KATNAL1: variants seen among roughly 807,000 people sequenced by gnomAD.
KATNAL1 encodes the protein katanin p60 ATPase-containing subunit A-like 1.
A neutral mutation model predicts 55.2 loss-of-function variants in KATNAL1; 32 were observed. The observed-to-expected ratio is 0.58, with a 90% CI of 0.44 to 0.78. The LOEUF is 0.78. Among genes scored for constraint, KATNAL1 ranks in the 30% least tolerant of loss-of-function variants. The probability of loss-of-function intolerance (pLI) is 0.00; values close to 1 mark genes in which losing one functional copy is unlikely to be tolerated. For missense variants in KATNAL1, 466 were observed against 600.9 expected, an observed-to-expected ratio of 0.78 and a Z score of 2.35; for synonymous variants, 193 against 193.6, an observed-to-expected ratio of 1.00 and a Z score of 0.02.
chr13:30,286,489 G>T (rs1296312219), intron 1 of KATNAL1, among the ~76,000 whole-genome samples: 1 of 152,248 alleles, frequency 6.6e-6, no homozygotes, highest in Non-Finnish European at 1.5e-5. Flanking sequence ...TGCACAGGAT[G>T]AGAACTGAGG....
intron 4 of KATNAL1, among the ~76,000 whole-genome samples, chr13:30,243,135 G>A (rs1012347342): frequency 1.3e-5 from 2 of 152,164 alleles, no homozygotes; most frequent in Non-Finnish European, 2.9e-5. Flanking sequence ...GTCAACATTA[G>A]CAAGAATTTG....
chr13:30,239,085 G>A (rs1012681213), intron 6 of KATNAL1, among the ~76,000 whole-genome samples: 1 of 152,104 alleles, frequency 6.6e-6, no homozygotes, highest in African/African-American at 2.4e-5. Flanking sequence ...AAAAATTTCT[G>A]AGGTCTCCTT....
intron 3 of KATNAL1, among the ~76,000 whole-genome samples, chr13:30,278,521 A>T (rs1881036842): frequency 1.3e-5 from 2 of 152,252 alleles, no homozygotes; most frequent in South Asian, 4.1e-4. Flanking sequence ...ATTAGTAGTC[A>T]TCAATGGGAA....
intron 9 of KATNAL1, among the ~76,000 whole-genome samples, chr13:30,226,529 A>G (rs1363811845): frequency 1.3e-5 from 2 of 152,156 alleles, no homozygotes; most frequent in African/African-American, 4.8e-5. Flanking sequence ...TTAACAAGAG[A>G]AAGAACTAAT....
intron 2 of KATNAL1, among the ~76,000 whole-genome samples, chr13:30,281,063 T>C (rs2137531888): frequency 7.2e-6 from 1 of 139,560 alleles, no homozygotes; most frequent in East Asian, 2.1e-4. Flanking sequence ...AGCCCAGGAG[T>C]TCGAGGCTAC....
intron 1 of KATNAL1, among the ~76,000 whole-genome samples, chr13:30,306,311 A>G (rs1324960135): frequency 6.6e-6 from 1 of 152,208 alleles, no homozygotes; most frequent in Non-Finnish European, 1.5e-5. Context: ...TTCCTTCCGA[A>G]AACATGCTGA....
intron 1 of KATNAL1, among the ~76,000 whole-genome samples, chr13:30,303,737 G>C (rs1260914211): frequency 6.6e-6 from 1 of 152,134 alleles, no homozygotes; most frequent in Non-Finnish European, 1.5e-5. Context: ...GGAACTTCCT[G>C]TTTCTTTGAA....
At chr13:30,234,062 G>C (rs905762013) in intron 6 of KATNAL1, among the ~76,000 whole-genome samples, 1 of 152,158 alleles carries the variant, frequency 6.6e-6, no homozygotes, top group South Asian at 2.1e-4. Context: ...AGAATAATTT[G>C]AATGTTCTTA....
At chr13:30,268,742 AT>A (rs1446777452) in intron 3 of KATNAL1, among the ~76,000 whole-genome samples, 3 of 152,224 alleles carry the variant, frequency 2.0e-5, no homozygotes, top group African/African-American at 7.2e-5. Flanking sequence ...AAAAACTACT[AT>A]TCTTCAGCAA....
intron 8 of KATNAL1, among the ~76,000 whole-genome samples, chr13:30,228,352 T>G (rs1427799382): frequency 6.6e-6 from 1 of 152,202 alleles, no homozygotes; most frequent in Non-Finnish European, 1.5e-5. Flanking sequence ...CAAGGTCTGG[T>G]TCTGTTGTTC....
intron 8 of KATNAL1, 111 bp from the exon 9 acceptor site, chr13:30,227,657 C>G: frequency 9.3e-7 from 1 of 1,075,066 alleles, no homozygotes; most frequent in Non-Finnish European, 1.3e-6. Context: ...AAAGAAAGTG[C>G]AGTCCTGACC....
At chr13:30,245,612 T>C (rs969799170) in intron 4 of KATNAL1, among the ~76,000 whole-genome samples, 1 of 152,172 alleles carries the variant, frequency 6.6e-6, no homozygotes, top group African/African-American at 2.4e-5. Context: ...GAAAGTCAAA[T>C]TGTCTCTGTT....
chr13:30,286,070 T>C (rs1190980049), intron 1 of KATNAL1, among the ~76,000 whole-genome samples: 1 of 152,148 alleles, frequency 6.6e-6, no homozygotes, highest in Non-Finnish European at 1.5e-5. Flanking sequence ...GAATTGGAAT[T>C]TATGTTTAAA....
At position 30,208,074 on chromosome 13, in the gene KATNAL1, T is replaced by A. The variant is rs528455767; in HGVS notation, c.*466A>T. The A allele has an allele frequency of 6.6e-6, 1 of 152,548 alleles. No homozygotes were observed. The highest frequency in any genetic ancestry group is 2.4e-5 in the African/African-American group (1 of 41,590). The allele number at this position is 152,548 out of a possible 1,614,324, so 9.4% of individuals were successfully genotyped here. On this transcript the variant is annotated 3_prime_UTR_variant, in exon 11 of 11. Coordinates refer to ENST00000380615, the MANE Select transcript of KATNAL1 (RefSeq NM_032116.5). Reference sequence around the variant, plus strand: ...AAGGTTTAATTAGTAAATTCATTATTTCCTCCAAAATATACTGTCATTCTT... The same window carrying A: ...AAGGTTTAATTAGTAAATTCATTATATCCTCCAAAATATACTGTCATTCTT...
chr13:30,208,400 C>G lies in KATNAL1; in HGVS notation c.*140G>C, dbSNP rs546000878. The G allele has an allele frequency of 4.1e-4, 263 of 647,048 alleles. 2 individuals carry two copies. The South Asian group carries it at 5.6e-3, about 14-fold the overall frequency. 40.1% of individuals were successfully genotyped at this position (647,048 alleles called of 1,614,324 possible). A position where few individuals can be genotyped will look rare whatever the true frequency, so the allele number is the denominator to read the frequency against. Reference sequence around the variant, plus strand: ...TTATTTCTCAACTACATTTAGTATTCTTCGCAGTTTTAGATTTTTTTTTCC... The same window carrying G: ...TTATTTCTCAACTACATTTAGTATTGTTCGCAGTTTTAGATTTTTTTTTCC... On this transcript the variant is annotated 3_prime_UTR_variant, in exon 11 of 11. Coordinates refer to ENST00000380615, the MANE Select transcript of KATNAL1 (RefSeq NM_032116.5).
At chr13:30,233,181 G>A (rs1210030856) in intron 6 of KATNAL1, among the ~76,000 whole-genome samples, 2 of 152,014 alleles carry the variant, frequency 1.3e-5, no homozygotes, top group East Asian at 3.8e-4. Context: ...CCCCCACAAT[G>A]GGAGAAAATA....
chr13:30,210,385 T>A lies in KATNAL1; in HGVS notation c.1205A>T (p.Asp402Val). ...INLREVELDP[D>V]IQLEDIAEKI... ...CTCGGCTATATCTTCCAGTTGAATA[T>A]CAGGATCTAATTCGACCTCACGAAG... The change falls in exon 10 of 11, where the codon GAT (aspartate) becomes GTT (valine). Residue 402 changes from aspartate (D) to valine (V), a missense_variant. By Grantham distance (152) the Asp-to-Val change is radical. Coordinates refer to ENST00000380615, the MANE Select transcript of KATNAL1 (RefSeq NM_032116.5). The A allele has an allele frequency of 6.2e-7, 1 of 1,608,606 alleles. No homozygotes were observed.
intron 9 of KATNAL1, among the ~76,000 whole-genome samples, chr13:30,218,126 G>A (rs1874477846): frequency 6.6e-6 from 1 of 150,988 alleles, no homozygotes; most frequent in East Asian, 1.9e-4. Flanking sequence ...AAAAAGGTAA[G>A]TAGAAAAATA....
chr13:30,290,468 G>C (rs1043893097), intron 1 of KATNAL1, among the ~76,000 whole-genome samples: 1 of 152,150 alleles, frequency 6.6e-6, no homozygotes, highest in African/African-American at 2.4e-5. Context: ...CCCAAGAAGA[G>C]ACAGAGTAGT....
Sources: allele counts gnomAD v4.1 joint callset (sites outside exome capture counted in the v4.1 genomes callset), GRCh38; gene constraint gnomAD v4.1.1; transcripts MANE v1.5; gene names NCBI Gene and HGNC (gene_info 2026-07-23, HGNC 2026-07-21).